Variants in CLVS1 observed in about 807,000 individuals in gnomAD.
CLVS1 encodes clavesin 1.
CLVS1 carries 10 observed loss-of-function variants against 33.1 expected under a neutral mutation model. The ratio of observed to expected loss-of-function variants is 0.30; its 90% confidence interval spans 0.19 to 0.51. CLVS1 has a LOEUF of 0.51. Ranked by LOEUF, CLVS1 falls within the 20% of genes least tolerant of loss-of-function variation. CLVS1 has a pLI of 0.97. For missense variants in CLVS1, 343 were observed against 433.4 expected, an observed-to-expected ratio of 0.79 and a Z score of 1.85; for synonymous variants, 163 against 166.1, an observed-to-expected ratio of 0.98 and a Z score of 0.14.
At chr8:61,049,794 C>A in the CLVS1 span, among the ~76,000 whole-genome samples, 1 of 152,250 alleles carries the variant, frequency 6.6e-6, no homozygotes, top group African/African-American at 2.4e-5. Flanking sequence ...ACCGCCATTA[C>A]TGGCTTTGGG....
chr8:61,232,821 G>A (rs1269159700), intron 2 of CLVS1, among the ~76,000 whole-genome samples: 1 of 152,052 alleles, frequency 6.6e-6, no homozygotes, highest in Non-Finnish European at 1.5e-5. Context: ...TTGGACAAAC[G>A]GCAACAGTAT....
intron 2 of CLVS1, among the ~76,000 whole-genome samples, chr8:61,204,742 G>C (rs575934032): frequency 6.6e-6 from 1 of 152,124 alleles, no homozygotes; most frequent in African/African-American, 2.4e-5. Flanking sequence ...GCTCTCACAG[G>C]TCAGGTTATT....
At chr8:61,037,094 A>G in the CLVS1 span, among the ~76,000 whole-genome samples, 4 of 152,330 alleles carry the variant, frequency 2.6e-5, no homozygotes, top group Admixed American at 2.6e-4. Context: ...GAAACTAAAA[A>G]CATTCATTTG....
At chr8:61,442,226 C>T (rs1484386828) in intron 3 of CLVS1, among the ~76,000 whole-genome samples, 2 of 152,152 alleles carry the variant, frequency 1.3e-5, no homozygotes, top group East Asian at 3.9e-4. Context: ...TCCCTTTTTA[C>T]TCAGCAAAAT....
At chr8:61,198,720 C>T (rs1464470103) in intron 2 of CLVS1, among the ~76,000 whole-genome samples, 1 of 152,166 alleles carries the variant, frequency 6.6e-6, no homozygotes, top group African/African-American at 2.4e-5. Flanking sequence ...CCCGCCTTCC[C>T]TCCTCCCTTC....
At chr8:61,023,739 G>T in the CLVS1 span, among the ~76,000 whole-genome samples, 84 of 152,294 alleles carry the variant, frequency 5.5e-4, 1 homozygote, top group East Asian at 9.7e-4. Flanking sequence ...GCCCCAGGGT[G>T]GGGGAGAGGC....
At chr8:61,094,027 C>T (rs1008149833) in intron 1 of CLVS1, among the ~76,000 whole-genome samples, 9 of 152,198 alleles carry the variant, frequency 5.9e-5, no homozygotes, top group African/African-American at 1.4e-4. Flanking sequence ...TCACCAGCTC[C>T]GTGAGCCTCG....
intron 3 of CLVS1, among the ~76,000 whole-genome samples, chr8:61,411,741 AT>A (rs1211272375): frequency 3.3e-5 from 5 of 152,164 alleles, no homozygotes; most frequent in Non-Finnish European, 5.9e-5. Context: ...GAGGCCTCCC[AT>A]GGTGGGTCAC....
intron 2 of CLVS1, among the ~76,000 whole-genome samples, chr8:61,333,149 A>G (rs760880016): frequency 7.2e-5 from 11 of 152,208 alleles, no homozygotes; most frequent in Non-Finnish European, 1.5e-4. Flanking sequence ...TTTTTATTAC[A>G]TTGCTTAGGA....
intron 2 of CLVS1, among the ~76,000 whole-genome samples, chr8:61,331,478 A>ATTC (rs1047249418): frequency 4.0e-5 from 6 of 149,596 alleles, no homozygotes; most frequent in Admixed American, 4.0e-4. Context: ...TATTATTATT[A>ATTC]TTTTTAACTT....
chr8:61,211,466 T>G (rs1273126226), intron 2 of CLVS1, among the ~76,000 whole-genome samples: 1 of 151,434 alleles, frequency 6.6e-6, no homozygotes. Context: ...CTCCTTTTCC[T>G]CTGCCTCCCC....
chr8:60,990,359 G>A, the CLVS1 span, among the ~76,000 whole-genome samples: 1 of 152,142 alleles, frequency 6.6e-6, no homozygotes. Flanking sequence ...ACACGTTTAT[G>A]TTATTAAAAC....
intron 5 of CLVS1, among the ~76,000 whole-genome samples, chr8:61,490,137 G>A (rs1343405416): frequency 6.6e-6 from 1 of 151,930 alleles, no homozygotes; most frequent in Non-Finnish European, 1.5e-5. Flanking sequence ...CCAACATGGT[G>A]AAACCCCATC....
chr8:61,024,563 A>T, the CLVS1 span, among the ~76,000 whole-genome samples: 1 of 152,196 alleles, frequency 6.6e-6, no homozygotes, highest in East Asian at 1.9e-4. Context: ...AGTGCTCAGC[A>T]TGGATATGTG....
intron 2 of CLVS1, among the ~76,000 whole-genome samples, chr8:61,139,039 G>A (rs1399406541): frequency 4.6e-5 from 7 of 152,270 alleles, no homozygotes. Context: ...CCCGCGCTGC[G>A]GGAAGACAGC....
chr8:61,218,675 C>T (rs1808143553), intron 2 of CLVS1, among the ~76,000 whole-genome samples: 1 of 150,754 alleles, frequency 6.6e-6, no homozygotes, highest in Non-Finnish European at 1.5e-5. Flanking sequence ...TGGATGACGC[C>T]TGTAGTCTCA....
chr8:61,263,256 C>A (rs921298561), intron 2 of CLVS1, among the ~76,000 whole-genome samples: 1 of 152,144 alleles, frequency 6.6e-6, no homozygotes, highest in African/African-American at 2.4e-5. Flanking sequence ...TTATATGTTG[C>A]TATTTTTTAC....
chr8:61,251,898 T>G (rs1043959974), intron 2 of CLVS1, among the ~76,000 whole-genome samples: 1 of 152,108 alleles, frequency 6.6e-6, no homozygotes, highest in African/African-American at 2.4e-5. Flanking sequence ...AAGGGTTTTT[T>G]TGTGTGTCTC....
chr8:61,066,845 T>C (rs1804690989), intron 1 of CLVS1, among the ~76,000 whole-genome samples: 1 of 152,156 alleles, frequency 6.6e-6, no homozygotes, highest in Admixed American at 6.5e-5. Flanking sequence ...AGCCAGAAAG[T>C]TGGGAGTGTT....
Sources: gnomAD v4.1 joint callset for allele counts (sites outside exome capture counted in the v4.1 genomes callset) on GRCh38, gnomAD v4.1.1 for gene constraint, MANE v1.5 for transcripts, NCBI Gene and HGNC (gene_info 2026-07-23, HGNC 2026-07-21) for gene names.